Variants in DENND1B observed in about 807,000 individuals in gnomAD.
DENND1B encodes the protein DENN domain containing 1B.
Under a neutral mutation model 90.1 loss-of-function variants are expected in DENND1B, and 59 were observed. That is an observed-to-expected ratio of 0.65 (90% CI 0.53 to 0.81). The LOEUF is 0.81. Ranked by LOEUF, DENND1B falls within the 40% of genes least tolerant of loss-of-function variation. The probability of loss-of-function intolerance (pLI) is 0.00; values close to 1 mark genes in which losing one functional copy is unlikely to be tolerated. For missense variants in DENND1B, 862 were observed against 912.6 expected (o/e 0.94, Z 0.71); for synonymous variants, 337 against 324.6 (o/e 1.04, Z -0.41).
chr1:197,677,600 GA>G (rs1468540377), intron 3 of DENND1B, among the ~76,000 whole-genome samples: 1 of 152,102 alleles, frequency 6.6e-6, no homozygotes, highest in Non-Finnish European at 1.5e-5. Flanking sequence ...GAAAGGATTA[GA>G]AAGAAGATGA....
chr1:197,589,110 A>G (rs1674963201), intron 14 of DENND1B, among the ~76,000 whole-genome samples: 1 of 152,122 alleles, frequency 6.6e-6, no homozygotes, highest in Non-Finnish European at 1.5e-5. Context: ...AAATTAATAG[A>G]TTGTGCATTA....
At chr1:197,722,353 C>T (rs533439475) in intron 2 of DENND1B, among the ~76,000 whole-genome samples, 1 of 152,150 alleles carries the variant, frequency 6.6e-6, no homozygotes, top group African/African-American at 2.4e-5. Flanking sequence ...GAAGCCAAGA[C>T]TAGGATTCAG....
chr1:197,519,518 C>T (rs1042336757), intron 20 of DENND1B, among the ~76,000 whole-genome samples: 1 of 151,970 alleles, frequency 6.6e-6, no homozygotes, highest in East Asian at 1.9e-4. Context: ...TAAGAAGAGG[C>T]CCCTTGTCCT....
intron 15 of DENND1B, among the ~76,000 whole-genome samples, chr1:197,563,931 T>C (rs918276634): frequency 1.3e-5 from 2 of 151,918 alleles, no homozygotes; most frequent in Admixed American, 6.6e-5. Context: ...TTCGAGGAAG[T>C]AACTGCAGAT....
At chr1:197,774,048 T>A (rs1045064212) in intron 1 of DENND1B, among the ~76,000 whole-genome samples, 1 of 152,190 alleles carries the variant, frequency 6.6e-6, no homozygotes, top group Admixed American at 6.5e-5. Flanking sequence ...AAATATACAT[T>A]TTTTTAGCCT....
At chr1:197,619,063 A>T (rs1677914316) in intron 10 of DENND1B, among the ~76,000 whole-genome samples, 1 of 151,224 alleles carries the variant, frequency 6.6e-6, no homozygotes, top group South Asian at 2.1e-4. Context: ...TCATGTTTTT[A>T]ATCAGTTTTG....
chr1:197,759,883 C>G (rs1450074007), intron 2 of DENND1B, among the ~76,000 whole-genome samples: 1 of 151,774 alleles, frequency 6.6e-6, no homozygotes. Context: ...ATTTTTAACT[C>G]AGAATGAGAT....
At chr1:197,548,260 A>C (rs1670962106) in intron 16 of DENND1B, among the ~76,000 whole-genome samples, 1 of 152,204 alleles carries the variant, frequency 6.6e-6, no homozygotes, top group African/African-American at 2.4e-5. Context: ...TTTCTACTGT[A>C]AAATAGGCAA....
intron 11 of DENND1B, among the ~76,000 whole-genome samples, chr1:197,613,997 C>A (rs1355541598): frequency 6.7e-6 from 1 of 149,628 alleles, no homozygotes; most frequent in Non-Finnish European, 1.5e-5. Context: ...CAGAAACAGA[C>A]TGCTAAATAA....
chr1:197,607,154 C>T lies in DENND1B; in HGVS notation c.840G>A (p.Leu280=). Residue 280 remains leucine, a synonymous_variant, in exon 13 of 23, where the codon TTG becomes TTA. Coordinates refer to ENST00000620048, the MANE Select transcript of DENND1B (RefSeq NM_001195215.2). ...CAACATTTAACATAACAACATCTTC[C>T]AATGATTTGTTTTTCACTCTCTATA... ...SLIERVKNKS[L]EDVVMLNVDT... is the part of the protein sequence containing the mutation. 6 of 1,572,180 alleles carry T rather than the reference C, an allele frequency of 3.8e-6. No individual in the cohort carries two copies. Among genetic ancestry groups the T allele is most frequent in the Non-Finnish European group, 5.2e-6 (6 of 1,161,982 alleles).
upstream of DENND1B, among the ~76,000 whole-genome samples, chr1:197,778,202 T>G (rs1325003327): frequency 1.3e-5 from 2 of 152,234 alleles, no homozygotes; most frequent in Non-Finnish European, 2.9e-5. Flanking sequence ...TCTAAACAGT[T>G]TTCTTCTGAA....
intron 3 of DENND1B, among the ~76,000 whole-genome samples, chr1:197,698,215 C>G (rs1472386524): frequency 6.6e-6 from 1 of 152,108 alleles, no homozygotes; most frequent in Non-Finnish European, 1.5e-5. Flanking sequence ...TCAAAACAGT[C>G]TCTCAGACCA....
Position 197,760,259 on chromosome 1 carries a change from A to C in DENND1B, c.82+12609T>G, listed in dbSNP as rs76853182. Reference sequence around the variant, plus strand: ...TAAGTGATGCAAGGTTTCAGGTAGAAAATTTGATATGAATGCCATCTCCTC... The same window carrying C: ...TAAGTGATGCAAGGTTTCAGGTAGACAATTTGATATGAATGCCATCTCCTC... On this transcript the variant is annotated intron_variant, in intron 2 of 22. Transcript: ENST00000620048. Among the ~76,000 whole-genome samples the C allele has an allele frequency of 4.9e-3, 743 of 152,288 alleles. 18 individuals are homozygous for C. The highest frequency in any genetic ancestry group is 0.048 in the East Asian group (247 of 5,178).
At chr1:197,736,151 A>G in intron 2 of DENND1B, 1 of 618,572 alleles carries the variant, frequency 1.6e-6, no homozygotes, top group Non-Finnish European at 2.9e-6. Context: ...GACTTAAAAA[A>G]AAAAAAAGAA....
chr1:197,746,972 C>T, intron 2 of DENND1B: 2 of 1,080,166 alleles, frequency 1.9e-6, no homozygotes, highest in Non-Finnish European at 1.4e-6. Flanking sequence ...CCCTCCACAG[C>T]CTGGTCTATC....
intron 3 of DENND1B, among the ~76,000 whole-genome samples, chr1:197,701,284 A>G (rs1233536807): frequency 6.6e-6 from 1 of 152,228 alleles, no homozygotes; most frequent in African/African-American, 2.4e-5. Context: ...TTGCAGGGAC[A>G]TGGATGAAGC....
At chr1:197,680,259 G>A (rs562090423) in intron 3 of DENND1B, among the ~76,000 whole-genome samples, 4 of 152,086 alleles carry the variant, frequency 2.6e-5, no homozygotes, top group African/African-American at 9.6e-5. Context: ...ACCATATAAC[G>A]TCCTACCCCC....
intron 22 of DENND1B, among the ~76,000 whole-genome samples, 177 bp from the exon 23 acceptor site, chr1:197,511,149 G>C (rs921226279): frequency 6.6e-6 from 1 of 151,740 alleles, no homozygotes; most frequent in Non-Finnish European, 1.5e-5. Flanking sequence ...AAATGGAATG[G>C]ACTTTGGTTT....
chr1:197,587,507 T>C (rs186913467), intron 14 of DENND1B, among the ~76,000 whole-genome samples: 3 of 152,288 alleles, frequency 2.0e-5, no homozygotes, highest in Non-Finnish European at 4.4e-5. Flanking sequence ...ATAAAGTTTA[T>C]ATTACAGAGA....
Sources: allele counts gnomAD v4.1 joint callset (sites outside exome capture counted in the v4.1 genomes callset), GRCh38; gene constraint gnomAD v4.1.1; transcripts MANE v1.5; gene names NCBI Gene and HGNC (gene_info 2026-07-23, HGNC 2026-07-21).